The following RAB3GAP2 variants were observed in gnomAD, a reference collection of about 807,000 sequenced individuals.
The protein encoded by RAB3GAP2 is RAB3 GTPase activating non-catalytic protein subunit 2.
A neutral mutation model predicts 185.3 loss-of-function variants in RAB3GAP2; 87 were observed. The ratio of observed to expected loss-of-function variants is 0.47; its 90% CI spans 0.39 to 0.56. The LOEUF is 0.56. Ranked by LOEUF, RAB3GAP2 falls within the 20% of genes least tolerant of loss-of-function variation. RAB3GAP2 has a pLI of 0.00. For missense variants in RAB3GAP2, 1,492 were observed against 1,638.2 expected (o/e 0.91, Z 1.54); for synonymous variants, 554 against 576.1 (o/e 0.96, Z 0.55).
At chr1:220,204,770 T>A (rs1658930403) in intron 8 of RAB3GAP2, among the ~76,000 whole-genome samples, 1 of 120,006 alleles carries the variant, frequency 8.3e-6, no homozygotes, top group African/African-American at 3.2e-5. Context: ...CGGAGTGTGA[T>A]GTTCCCCTTC....
chr1:220,209,369 A>G (rs1659035858), intron 7 of RAB3GAP2, among the ~76,000 whole-genome samples: 1 of 152,092 alleles, frequency 6.6e-6, no homozygotes, highest in African/African-American at 2.4e-5. Context: ...CTTCTCTCAA[A>G]TCTTCTCCTG....
At chr1:220,244,229 T>C (rs1659755733) in intron 1 of RAB3GAP2, among the ~76,000 whole-genome samples, 1 of 152,164 alleles carries the variant, frequency 6.6e-6, no homozygotes, top group South Asian at 2.1e-4. Flanking sequence ...CAAATCAATG[T>C]ACACAAATCA....
At chr1:220,166,209 CA>C (rs1232805095) in intron 26 of RAB3GAP2, among the ~76,000 whole-genome samples, 4 of 152,136 alleles carry the variant, frequency 2.6e-5, no homozygotes. Context: ...TTATTTAAAT[CA>C]CTTACTTTCA....
intron 1 of RAB3GAP2, among the ~76,000 whole-genome samples, chr1:220,235,831 A>T (rs1413717165): frequency 6.6e-6 from 1 of 152,208 alleles, no homozygotes; most frequent in Non-Finnish European, 1.5e-5. Context: ...CAGAACCTCC[A>T]AGAAAAGAAA....
In RAB3GAP2 at chr1:220,150,876, A is replaced by C. The variant is rs1169593418; in HGVS notation, c.*375T>G. The C allele has an allele frequency of 4.0e-6, 1 of 250,122 alleles. No homozygotes were observed. The highest frequency in any genetic ancestry group is 7.7e-6 in the Non-Finnish European group (1 of 129,102). 15.5% of individuals were successfully genotyped at this position (250,122 alleles called of 1,614,324 possible). A position where few individuals can be genotyped will look rare whatever the true frequency, so the allele number is the denominator to read the frequency against. ...ATGGGGACTGTACATGAACACATTT[A>C]AATTGAATTACAACAACATTTTAGA... is the stretch of plus-strand genomic sequence containing the variant. On this transcript the variant is annotated 3_prime_UTR_variant, in exon 35 of 35. Coordinates refer to ENST00000358951, the MANE Select transcript of RAB3GAP2 (RefSeq NM_012414.4).
At chr1:220,231,179 C>T (rs937175301) in intron 2 of RAB3GAP2, among the ~76,000 whole-genome samples, 1 of 152,172 alleles carries the variant, frequency 6.6e-6, no homozygotes, top group South Asian at 2.1e-4. Context: ...CTTCTCTGCC[C>T]CATCTTGGAA....
rs1476025614 is a variant in RAB3GAP2, at chr1:220,158,065, T to C, written c.3262-189A>G. ...CTTTTAGATTTACTGTCAACCAATT[T>C]TAAAGTCAAGCTTTACAAAGTGGTA... On this transcript the variant is annotated intron_variant, in intron 29 of 34. Transcript: ENST00000358951. This position sits in a 1 kb window ranked among gnomAD's most constrained non-coding sequence, Gnocchi z 4.3. Among the ~76,000 whole-genome samples the C allele has an allele frequency of 6.6e-6, 1 of 152,240 alleles. No individual in the cohort carries two copies. Among genetic ancestry groups the C allele is most frequent in the Non-Finnish European group, 1.5e-5 (1 of 68,036 alleles).
In RAB3GAP2 at chr1:220,171,922, A is replaced by G. The variant is rs1471173102; in HGVS notation, c.2544T>C (p.Ala848=). The change falls in exon 23 of 35, where the codon GCT becomes GCC. Residue 848 remains alanine (A), a synonymous_variant. Transcript: ENST00000358951. ...LLSAHVGHSV[A]AQISNNMTEK... ...CTGTCATGTTGTTTGATATCTGTGC[A>G]GCAACAGAATGCCCAACATGCGCAG... The G allele has an allele frequency of 6.2e-7, 1 of 1,614,214 alleles. No individual in the cohort carries two copies. The highest frequency in any genetic ancestry group is 8.5e-7 in the Non-Finnish European group (1 of 1,180,032).
chr1:220,238,563 A>C (rs1233171358), intron 1 of RAB3GAP2, among the ~76,000 whole-genome samples: 1 of 152,220 alleles, frequency 6.6e-6, no homozygotes, highest in Non-Finnish European at 1.5e-5. Context: ...TATGCAAAGC[A>C]CTTTTACAGT....
intron 1 of RAB3GAP2, among the ~76,000 whole-genome samples, chr1:220,236,280 G>A (rs757672727): frequency 2.6e-5 from 4 of 152,176 alleles, no homozygotes; most frequent in East Asian, 3.9e-4. Flanking sequence ...TGGTTCAAGC[G>A]AGTCTCCTGC....
In RAB3GAP2 at chr1:220,148,534, T is replaced by C. The variant is rs1241611112; in HGVS notation, c.*2717A>G. Reference sequence around the variant, plus strand: ...CAGGGTGAGAGAGGGCTTTTGCTGTTGCTATAGTGTACTGTAAAAATATTT... The same window carrying C: ...CAGGGTGAGAGAGGGCTTTTGCTGTCGCTATAGTGTACTGTAAAAATATTT... On this transcript the variant is annotated 3_prime_UTR_variant, in exon 35 of 35. Coordinates refer to ENST00000358951, the MANE Select transcript of RAB3GAP2 (RefSeq NM_012414.4). 1 of 152,172 alleles carries C rather than the reference T, an allele frequency of 6.6e-6. No individual in the cohort carries two copies. The allele number at this position is 152,172 out of a possible 1,614,324, so 9.4% of individuals were successfully genotyped here.
chr1:220,222,617 G>A (rs1659327960), intron 2 of RAB3GAP2, among the ~76,000 whole-genome samples: 1 of 152,112 alleles, frequency 6.6e-6, no homozygotes, highest in African/African-American at 2.4e-5. Flanking sequence ...AGCATTAGAG[G>A]AACTTAACTC....
chr1:220,200,123 C>T (rs1427053408), intron 9 of RAB3GAP2, among the ~76,000 whole-genome samples: 1 of 152,152 alleles, frequency 6.6e-6, no homozygotes, highest in Non-Finnish European at 1.5e-5. Context: ...CACACCAACC[C>T]CCTTTCTGTT....
At chr1:220,266,351 C>T (rs551608551) in intron 1 of RAB3GAP2, 4 of 385,590 alleles carry the variant, frequency 1.0e-5, no homozygotes, top group South Asian at 5.0e-5. Context: ...CTTAACCGAT[C>T]GAGTCAGCAC....
intron 1 of RAB3GAP2, among the ~76,000 whole-genome samples, chr1:220,257,062 G>A (rs1044861538): frequency 7.2e-5 from 11 of 152,174 alleles, no homozygotes; most frequent in African/African-American, 2.2e-4. Flanking sequence ...CAGAACAATC[G>A]AATTAGAATT....
chr1:220,246,019 C>T (rs1363802436), intron 1 of RAB3GAP2, among the ~76,000 whole-genome samples: 1 of 152,130 alleles, frequency 6.6e-6, no homozygotes, highest in Non-Finnish European at 1.5e-5. Flanking sequence ...TTTTCGCAAC[C>T]TACCCATCTG....
Position 220,164,714 on chromosome 1 carries a change from C to A in RAB3GAP2, c.3154+19G>T. 1 of 1,595,896 alleles carries A rather than the reference C, an allele frequency of 6.3e-7. No individual in the cohort carries two copies. The highest frequency in any genetic ancestry group is 1.1e-5 in the South Asian group (1 of 89,060). On this transcript the variant is annotated intron_variant, in intron 27 of 34. Coordinates refer to ENST00000358951, the MANE Select transcript of RAB3GAP2 (RefSeq NM_012414.4). ...TCTTTTAGATCAAACAGTGATGTTT[C>A]TAACATCTGTTTACTTACCATTTTG...
intron 1 of RAB3GAP2, among the ~76,000 whole-genome samples, chr1:220,234,761 AAG>A (rs2102892834): frequency 6.6e-6 from 1 of 152,300 alleles, no homozygotes; most frequent in East Asian, 1.9e-4. Flanking sequence ...ATGAGAAAGT[AAG>A]AGATGGGGAA....
Position 220,157,473 on chromosome 1 carries a change from C to A in RAB3GAP2, c.3352G>T (p.Asp1118Tyr). The change falls in exon 31 of 35, where the codon GAT becomes TAT. Residue 1118 changes from aspartate to tyrosine, a missense_variant. By Grantham distance (160) the Asp-to-Tyr change is radical. This residue lies in a region of RAB3GAP2 where 387 missense variants were observed against 455.3 expected (regional missense o/e 0.85). Transcript: ENST00000358951. ...TCCAGCACAGGCACCTGTATTTCAT[C>A]CCTGCTAACATCTGCCTAAGGGTTT... Reference protein sequence around the residue: ...QILMEADVSRDEIQVPVLDTE... With the variant: ...QILMEADVSRYEIQVPVLDTE... The A allele has an allele frequency of 6.2e-7, 1 of 1,613,404 alleles. No individual in the cohort carries two copies. The highest frequency in any genetic ancestry group is 1.1e-5 in the South Asian group (1 of 91,050).
Sources: allele counts gnomAD v4.1 joint callset (sites outside exome capture counted in the v4.1 genomes callset), GRCh38; gene constraint gnomAD v4.1.1; regional missense constraint gnomAD v4.1.1; non-coding constraint Gnocchi (gnomAD v3.1); transcripts MANE v1.5; gene names NCBI Gene and HGNC (gene_info 2026-07-23, HGNC 2026-07-21).